The following APOOL variants were observed in gnomAD, a reference collection of about 807,000 sequenced individuals.
APOOL encodes MICOS complex subunit MIC27.
APOOL carries 12 observed loss-of-function variants against 23.1 expected under a neutral mutation model. The ratio of observed to expected loss-of-function variants is 0.52; its 90% CI spans 0.33 to 0.84. APOOL has a LOEUF of 0.84. Ranked by LOEUF, APOOL falls within the 40% of genes least tolerant of loss-of-function variation. The probability of loss-of-function intolerance (pLI) is 0.02; values close to 1 mark genes in which losing one functional copy is unlikely to be tolerated. For synonymous variants in APOOL, 77 were observed against 69.9 expected, an observed-to-expected ratio of 1.10 and a Z score of -0.51; for missense variants, 212 against 199.6, an observed-to-expected ratio of 1.06 and a Z score of -0.37.
intron 5 of APOOL, among the ~76,000 whole-genome samples, chrX:85,059,457 A>G (rs892790149): frequency 9.1e-6 from 1 of 110,351 alleles, no homozygotes; most frequent in African/African-American, 3.3e-5. Flanking sequence ...CGCCACACTG[A>G]CTTCCACAAT....
At position 85,033,358 on chromosome X, in the gene APOOL, G is replaced by A. The variant is rs758803897; in HGVS notation, c.16-13088G>A. On this transcript the variant is annotated intron_variant, in intron 1 of 8. Coordinates refer to ENST00000373173, the MANE Select transcript of APOOL (RefSeq NM_198450.6). ...TTCAGAGTATTTGACTTTTAGAGCT[G>A]TGTTACAGGTCACTCCTTTCTCTTA... is the stretch of plus-strand genomic sequence containing the variant. 3.6e-5 allele frequency among the ~76,000 whole-genome samples: 4 copies of A among 111,997 alleles called. No individual in the cohort carries two copies. In the South Asian group the frequency reaches 1.1e-3, roughly 31 times the overall value.
intron 5 of APOOL, among the ~76,000 whole-genome samples, chrX:85,063,175 G>T (rs1477748134): frequency 9.0e-6 from 1 of 111,314 alleles, no homozygotes; most frequent in Admixed American, 9.6e-5. Context: ...TGTTGTTGGT[G>T]TATAGAAATG....
intron 1 of APOOL, among the ~76,000 whole-genome samples, chrX:85,020,327 G>T (rs984972783): frequency 9.0e-6 from 1 of 111,613 alleles, no homozygotes; most frequent in African/African-American, 3.3e-5. Flanking sequence ...ATTGATGAGG[G>T]CAGGAGGGAC....
Position 85,087,657 on chromosome X carries a change from T to G in APOOL, c.786T>G (p.Asp262Glu). The G allele has an allele frequency of 1.7e-6, 2 of 1,196,786 alleles. No individual in the cohort carries two copies. Among genetic ancestry groups the G allele is most frequent in the Non-Finnish European group, 2.3e-6 (2 of 887,684 alleles). Reference sequence around the variant, plus strand: ...GGCAGTCCCACCCAGAAGATATAGATATGTACAGCACTAGAAGCTGAAGTA... The same window carrying G: ...GGCAGTCCCACCCAGAAGATATAGAGATGTACAGCACTAGAAGCTGAAGTA... Reference protein sequence around the residue: ...DHGQSHPEDIDMYSTRS With the variant: ...DHGQSHPEDIEMYSTRS The change falls in exon 9 of 9, where the codon GAT (aspartate) becomes GAG (glutamate). Residue 262 changes from aspartate (D) to glutamate (E), a missense_variant. Physicochemically the swap from Asp to Glu is conservative, Grantham distance 45. Coordinates refer to ENST00000373173, the MANE Select transcript of APOOL (RefSeq NM_198450.6).
At chrX:85,012,711 C>T (rs991917716) in intron 1 of APOOL, among the ~76,000 whole-genome samples, 1 of 111,327 alleles carries the variant, frequency 9.0e-6, no homozygotes, top group Non-Finnish European at 1.9e-5. Flanking sequence ...CCCACTTGCT[C>T]ATCTTTTTGA....
chrX:85,038,389 A>T (rs1922286398), intron 1 of APOOL, among the ~76,000 whole-genome samples: 1 of 110,364 alleles, frequency 9.1e-6, no homozygotes, highest in Non-Finnish European at 1.9e-5. Context: ...TTTTGGTATT[A>T]CAATGATGCT....
chrX:85,043,811 G>A (rs1385083050), intron 1 of APOOL, among the ~76,000 whole-genome samples: 1 of 111,796 alleles, frequency 8.9e-6, no homozygotes, highest in Non-Finnish European at 1.9e-5. Flanking sequence ...TGAAATACAT[G>A]TGCAAAGAAA....
intron 5 of APOOL, among the ~76,000 whole-genome samples, chrX:85,056,778 A>T (rs2147650260): frequency 8.9e-6 from 1 of 111,763 alleles, no homozygotes; most frequent in South Asian, 3.7e-4. Context: ...CACACAGTAA[A>T]TTCATACAAT....
chrX:85,009,662 T>A, intron 1 of APOOL, among the ~76,000 whole-genome samples: 1 of 111,192 alleles, frequency 9.0e-6, no homozygotes, highest in Middle Eastern at 4.6e-3. Context: ...CTATTTTAGG[T>A]TCAGGTGTAC....
rs200535667 is a variant in APOOL, at chrX:85,051,496, T to A, written c.228T>A (p.Ile76=). ...TCCGCACTGCAACTGGTTGTTACAT[T>A]GGCTGGTGCAAGGTAAGTCAATTCT... ...ASIRTATGCY[I]GWCKGVYVFV... is the part of the protein sequence containing the mutation. The change falls in exon 3 of 9, where the codon ATT becomes ATA. Residue 76 remains isoleucine, a synonymous_variant. Transcript: ENST00000373173. 1,669 of 1,209,782 alleles carry A rather than the reference T, an allele frequency of 1.4e-3. 1 individual carries two copies. Among genetic ancestry groups the A allele is most frequent in the Non-Finnish European group, 1.8e-3 (1,572 of 894,973 alleles).
intron 8 of APOOL, 63 bp downstream of exon 8, chrX:85,074,454 A>G: frequency 8.9e-7 from 1 of 1,122,449 alleles, no homozygotes; most frequent in Non-Finnish European, 1.2e-6. Context: ...TAGCATTATC[A>G]TTAGTGGTTT....
intron 1 of APOOL, among the ~76,000 whole-genome samples, chrX:85,014,844 T>G (rs1921413329): frequency 9.0e-6 from 1 of 110,518 alleles, no homozygotes; most frequent in African/African-American, 3.3e-5. Context: ...TCTTTGAGCT[T>G]CTTTTAGTTG....
intron 8 of APOOL, among the ~76,000 whole-genome samples, chrX:85,079,723 A>C (rs1468753826): frequency 1.8e-5 from 2 of 111,066 alleles, no homozygotes; most frequent in Non-Finnish European, 3.8e-5. Context: ...CTGGTCCTGT[A>C]CTTTTTTTGG....
chrX:85,030,288 A>G (rs755140601), intron 1 of APOOL, among the ~76,000 whole-genome samples: 1 of 111,156 alleles, frequency 9.0e-6, no homozygotes, highest in South Asian at 3.9e-4. Context: ...TCTCACTTAT[A>G]AGTAGGAGCT....
intron 1 of APOOL, among the ~76,000 whole-genome samples, chrX:85,015,833 G>A (rs1451416216): frequency 9.0e-6 from 1 of 111,524 alleles, no homozygotes; most frequent in Non-Finnish European, 1.9e-5. Flanking sequence ...CTCCCAAAGT[G>A]CTGGGATTAC....
chrX:85,023,534 T>G (rs939597373), intron 1 of APOOL, among the ~76,000 whole-genome samples: 1 of 111,326 alleles, frequency 9.0e-6, no homozygotes, highest in Non-Finnish European at 1.9e-5. Flanking sequence ...AATGACACTT[T>G]CCCCAGAAAC....
rs575303114 is a variant in APOOL at position 85,034,918 on chromosome X, A to T, written c.16-11528A>T. 2.7e-5 allele frequency among the ~76,000 whole-genome samples: 3 copies of T among 112,170 alleles called. No individual in the cohort carries two copies. In the South Asian group the frequency reaches 1.1e-3, roughly 42 times the overall value. On this transcript the variant is annotated intron_variant, in intron 1 of 8. Coordinates refer to ENST00000373173, the MANE Select transcript of APOOL (RefSeq NM_198450.6). Reference sequence around the variant, plus strand: ...TGGTATCGTGAATAGTGCTGTGATGAACACATGAGTGCATGTATATATGGT... The same window carrying T: ...TGGTATCGTGAATAGTGCTGTGATGTACACATGAGTGCATGTATATATGGT...
intron 3 of APOOL, 72 bp downstream of exon 3, chrX:85,051,580 A>G (rs1016535640): frequency 1.7e-6 from 2 of 1,153,115 alleles, no homozygotes; most frequent in Admixed American, 4.6e-5. Flanking sequence ...ACTGATGTGT[A>G]GAAAACTAAT....
intron 5 of APOOL, among the ~76,000 whole-genome samples, chrX:85,059,539 G>A (rs1237274271): frequency 9.2e-6 from 1 of 109,219 alleles, no homozygotes; most frequent in Admixed American, 9.8e-5. Flanking sequence ...TCCAGCACCT[G>A]TTGTTTCCTG....
Sources: allele counts gnomAD v4.1 joint callset (sites outside exome capture counted in the v4.1 genomes callset), GRCh38; gene constraint gnomAD v4.1.1; transcripts MANE v1.5; gene names NCBI Gene and HGNC (gene_info 2026-07-23, HGNC 2026-07-21).